PTPRD: variants seen among roughly 807,000 people sequenced by gnomAD.
PTPRD encodes receptor-type tyrosine-protein phosphatase delta.
A neutral mutation model predicts 214.5 loss-of-function variants in PTPRD; 34 were observed. That is an observed-to-expected ratio of 0.16 (90% CI 0.12 to 0.21). The LOEUF is 0.21. Among genes scored for constraint, PTPRD ranks in the 10% least tolerant of loss-of-function variants. PTPRD has a pLI of 1.00. For synonymous variants in PTPRD, 1,128 were observed against 845.7 expected (o/e 1.33, Z -5.79); for missense variants, 2,545 against 2,398.7 (o/e 1.06, Z -1.27).
intron 44 of PTPRD, among the ~76,000 whole-genome samples, chr9:8,329,958 A>G (rs10976959): frequency 5.9e-4 from 33 of 56,266 alleles, no homozygotes; most frequent in Non-Finnish European, 8.6e-4. Context: ...GCTCTGTGGG[A>G]GTGGATCGTA....
chr9:9,426,479 C>T (rs139661557), intron 8 of PTPRD, among the ~76,000 whole-genome samples: 35 of 152,306 alleles, frequency 2.3e-4, no homozygotes, highest in African/African-American at 7.5e-4. Context: ...CCACCTCTGA[C>T]GGCAGAGCAT....
At chr9:10,570,359 T>C (rs2067032992) in intron 2 of PTPRD, among the ~76,000 whole-genome samples, 1 of 152,144 alleles carries the variant, frequency 6.6e-6, no homozygotes, top group Non-Finnish European at 1.5e-5. Context: ...CAAATGATTA[T>C]GGGGAGCTGA....
chr9:8,488,125 A>C (rs926855913), intron 27 of PTPRD, among the ~76,000 whole-genome samples: 5 of 152,172 alleles, frequency 3.3e-5, no homozygotes, highest in African/African-American at 1.2e-4. Flanking sequence ...GGGGATATAG[A>C]TGAAGGTAAA....
intron 39 of PTPRD, among the ~76,000 whole-genome samples, chr9:8,344,437 C>T (rs1049587516): frequency 6.8e-6 from 1 of 146,070 alleles, no homozygotes; most frequent in Non-Finnish European, 1.5e-5. Flanking sequence ...CAGTATCAAC[C>T]TTTTCATAAT....
intron 2 of PTPRD, among the ~76,000 whole-genome samples, chr9:10,401,200 C>T (rs999604945): frequency 4.0e-5 from 6 of 151,542 alleles, no homozygotes; most frequent in Admixed American, 1.3e-4. Flanking sequence ...TTCAATTTTG[C>T]CTAAAACATC....
chr9:8,689,646 C>A (rs1480972627), intron 12 of PTPRD, among the ~76,000 whole-genome samples: 1 of 152,136 alleles, frequency 6.6e-6, no homozygotes, highest in Non-Finnish European at 1.5e-5. Context: ...TTGGGTCCCT[C>A]CCTCACACAT....
At chr9:8,498,231 T>C (rs1378331078) in intron 25 of PTPRD, among the ~76,000 whole-genome samples, 3 of 152,144 alleles carry the variant, frequency 2.0e-5, no homozygotes, top group Non-Finnish European at 4.4e-5. Flanking sequence ...GGTAAGTACT[T>C]TCCTTAGAGG....
intron 11 of PTPRD, among the ~76,000 whole-genome samples, chr9:8,824,345 T>A (rs1257376476): frequency 6.6e-6 from 1 of 152,156 alleles, no homozygotes; most frequent in African/African-American, 2.4e-5. Context: ...CAAAGATCTA[T>A]TTTTTGTAAC....
chr9:10,492,810 G>A (rs2040770727), intron 2 of PTPRD, among the ~76,000 whole-genome samples: 1 of 152,092 alleles, frequency 6.6e-6, no homozygotes, highest in African/African-American at 2.4e-5. Flanking sequence ...GAGTGGTATT[G>A]CCTAGACTTT....
intron 7 of PTPRD, among the ~76,000 whole-genome samples, chr9:9,703,075 A>C (rs973602624): frequency 6.6e-6 from 1 of 152,134 alleles, no homozygotes; most frequent in Admixed American, 6.5e-5. Flanking sequence ...GGAAGAACTG[A>C]TAAGAGGTGA....
chr9:9,765,035 A>AG (rs1324705673), intron 6 of PTPRD, among the ~76,000 whole-genome samples: 1 of 152,138 alleles, frequency 6.6e-6, no homozygotes, highest in African/African-American at 2.4e-5. Context: ...GACACAACAG[A>AG]GATTTGTGCC....
chr9:9,225,039 G>A (rs1375996551), intron 9 of PTPRD, among the ~76,000 whole-genome samples: 1 of 151,854 alleles, frequency 6.6e-6, no homozygotes, highest in Admixed American at 6.6e-5. Context: ...GGCATCTATG[G>A]CAACTCAAAT....
chr9:9,258,966 T>G (rs2099978938), intron 9 of PTPRD, among the ~76,000 whole-genome samples: 1 of 151,906 alleles, frequency 6.6e-6, no homozygotes, highest in Admixed American at 6.6e-5. Flanking sequence ...TTTCTCGAGT[T>G]GGGGAGCTTT....
chr9:8,828,414 G>T (rs973286681), intron 11 of PTPRD, among the ~76,000 whole-genome samples: 2 of 152,128 alleles, frequency 1.3e-5, no homozygotes, highest in Admixed American at 6.5e-5. Context: ...AAGCAAGAAG[G>T]CACCTGTCTG....
At chr9:9,852,444 GA>G (rs201761779) in intron 5 of PTPRD, among the ~76,000 whole-genome samples, 1 of 150,934 alleles carries the variant, frequency 6.6e-6, no homozygotes, top group Non-Finnish European at 1.5e-5. Context: ...TGGAGATTAA[GA>G]AAAAAAAGAA....
chr9:8,652,374 C>A (rs2096829839), intron 12 of PTPRD, among the ~76,000 whole-genome samples: 1 of 152,086 alleles, frequency 6.6e-6, no homozygotes, highest in Non-Finnish European at 1.5e-5. Context: ...GAAAATCAAC[C>A]AATAATTACT....
At chr9:9,385,232 T>C (rs541100119) in intron 9 of PTPRD, among the ~76,000 whole-genome samples, 1 of 152,308 alleles carries the variant, frequency 6.6e-6, no homozygotes, top group Admixed American at 6.5e-5. Context: ...TATATTCATT[T>C]GGACTTTCAA....
At chr9:10,503,739 C>A (rs1287820987) in intron 2 of PTPRD, among the ~76,000 whole-genome samples, 1 of 151,790 alleles carries the variant, frequency 6.6e-6, no homozygotes, top group East Asian at 1.9e-4. Context: ...GTGGGTGAGA[C>A]AATTATACGT....
intron 32 of PTPRD, among the ~76,000 whole-genome samples, chr9:8,463,276 C>CAGTATAT (rs2096464053): frequency 1.1e-5 from 1 of 94,426 alleles, no homozygotes; most frequent in Non-Finnish European, 1.9e-5. Flanking sequence ...GATAAAAACT[C>CAGTATAT]AGTATATATG....
Sources: gnomAD v4.1 joint callset for allele counts (sites outside exome capture counted in the v4.1 genomes callset) on GRCh38, gnomAD v4.1.1 for gene constraint, MANE v1.5 for transcripts, NCBI Gene and HGNC (gene_info 2026-07-23, HGNC 2026-07-21) for gene names.